The following AOPEP variants were observed in gnomAD, a reference collection of about 807,000 sequenced individuals.
The protein encoded by AOPEP is aminopeptidase O.
A neutral mutation model predicts 98.1 loss-of-function variants in AOPEP; 77 were observed. The ratio of observed to expected loss-of-function variants is 0.78; its 90% CI spans 0.65 to 0.95. AOPEP has a LOEUF of 0.95. AOPEP is among the 40% of genes least tolerant of loss of function. The pLI is 0.00. For synonymous variants in AOPEP, 346 were observed against 365.3 expected (o/e 0.95, Z 0.60); for missense variants, 1,024 against 1,024.7 (o/e 1.00, Z 0.01).
In AOPEP at chr9:95,082,607, G is replaced by A. The variant is rs1451510193; in HGVS notation, c.2352G>A (p.Met784Ile). The change falls in exon 16 of 17, where the codon ATG becomes ATA. Residue 784 changes from methionine (M) to isoleucine (I), a missense_variant. Transcript: ENST00000375315. ...GTGTGTACCTCTACGGGGAGCTGAT[G>A]GTGAGTGAGGACGCCAGACAGCAGC... ...AMGVYLYGEL[M>I]VSEDARQQQL... 1.9e-6 allele frequency: 3 copies of A among 1,614,114 alleles called. No homozygotes were observed. The highest frequency in any genetic ancestry group is 1.1e-5 in the South Asian group (1 of 91,090).
At chr9:95,060,419 A>T (rs1215599540) in intron 13 of AOPEP, among the ~76,000 whole-genome samples, 1 of 152,238 alleles carries the variant, frequency 6.6e-6, no homozygotes, top group African/African-American at 2.4e-5. Context: ...TTTTATTAAG[A>T]TAAGCACAGT....
At chr9:94,947,677 T>C (rs924944709) in intron 7 of AOPEP, among the ~76,000 whole-genome samples, 16 of 152,370 alleles carry the variant, frequency 1.1e-4, no homozygotes, top group African/African-American at 3.8e-4. Context: ...AAGCATTCTA[T>C]ATACATTATC....
chr9:95,035,147 G>T (rs1018147476), intron 13 of AOPEP, among the ~76,000 whole-genome samples: 1 of 151,114 alleles, frequency 6.6e-6, no homozygotes, highest in East Asian at 2.0e-4. Context: ...AGGCCCCCGT[G>T]TGTGATGTTC....
the AOPEP span, among the ~76,000 whole-genome samples, chr9:95,126,266 A>C: frequency 6.6e-6 from 1 of 152,190 alleles, no homozygotes; most frequent in South Asian, 2.1e-4. Context: ...TTAATGCCTA[A>C]CTCAATTCTG....
chr9:95,103,451 CCAG>C, the AOPEP span, among the ~76,000 whole-genome samples: 3 of 152,180 alleles, frequency 2.0e-5, no homozygotes, highest in Non-Finnish European at 4.4e-5. Flanking sequence ...TTGCTGTGGC[CCAG>C]CAGCAGGAGG....
chr9:95,101,774 C>A, the AOPEP span: 18 of 1,614,174 alleles, frequency 1.1e-5, no homozygotes, highest in South Asian at 9.9e-5. Context: ...GCTTTCAATG[C>A]CAAGACGATT....
At chr9:94,766,276 C>T (rs1292557937) in intron 2 of AOPEP, among the ~76,000 whole-genome samples, 2 of 152,214 alleles carry the variant, frequency 1.3e-5, no homozygotes, top group African/African-American at 4.8e-5. Flanking sequence ...CAGCGGCTCA[C>T]GCGTGTAATC....
At chr9:94,774,406 T>C (rs910748089) in intron 3 of AOPEP, among the ~76,000 whole-genome samples, 3 of 151,502 alleles carry the variant, frequency 2.0e-5, no homozygotes, top group African/African-American at 7.3e-5. Flanking sequence ...TTAAAAAAAT[T>C]ATAGAGAAAA....
At chr9:95,136,760 AG>A in the AOPEP span, among the ~76,000 whole-genome samples, 8 of 152,322 alleles carry the variant, frequency 5.3e-5, no homozygotes, top group Non-Finnish European at 1.2e-4. Context: ...TTGGGAATAC[AG>A]GCCTGAGCCC....
rs537156359 is a variant in AOPEP, at chr9:94,980,170, T to C, written c.1977+743T>C. ...CTGGCCCTGTGCCTCCCAGAGACCA[T>C]TGGACAGCCCAGGCCCCTTCGCCAA... On this transcript the variant is annotated intron_variant, in intron 11 of 16. Coordinates refer to ENST00000375315, the MANE Select transcript of AOPEP (RefSeq NM_001193329.3). The surrounding 1 kb of genome is among the most constrained non-coding windows in gnomAD (Gnocchi z 4.3). Among the ~76,000 whole-genome samples, 45 of 152,318 alleles carry C rather than the reference T, an allele frequency of 3.0e-4. No homozygotes were observed. The highest frequency in any genetic ancestry group is 9.1e-4 in the African/African-American group (38 of 41,574).
intron 5 of AOPEP, among the ~76,000 whole-genome samples, chr9:94,846,444 G>T (rs573590844): frequency 3.3e-5 from 5 of 152,110 alleles, no homozygotes; most frequent in Middle Eastern, 3.2e-3. Flanking sequence ...GAGAAGGTGG[G>T]GCAAGAAAGT....
At chr9:94,886,771 C>T (rs2048291189) in intron 5 of AOPEP, among the ~76,000 whole-genome samples, 2 of 151,976 alleles carry the variant, frequency 1.3e-5, no homozygotes, top group South Asian at 4.1e-4. Flanking sequence ...CTAAAAATCC[C>T]AATAGTTGCA....
At chr9:94,799,861 CA>C (rs34659070) in intron 4 of AOPEP, among the ~76,000 whole-genome samples, 18,415 of 119,744 alleles carry the variant, frequency 0.15, 1,255 homozygotes, top group African/African-American at 0.22. Context: ...GATTCCATCT[CA>C]AAAAAAAAAA....
the AOPEP span, among the ~76,000 whole-genome samples, chr9:95,095,974 A>G: frequency 2.0e-5 from 3 of 152,174 alleles, no homozygotes; most frequent in African/African-American, 4.8e-5. Context: ...GGAAGCTTCA[A>G]TTTTATAAGC....
intron 11 of AOPEP, among the ~76,000 whole-genome samples, chr9:94,993,683 C>T (rs894561218): frequency 5.3e-5 from 8 of 152,108 alleles, no homozygotes; most frequent in African/African-American, 9.7e-5. Context: ...CACTGAGAGA[C>T]GTAGATCAGA....
intron 5 of AOPEP, among the ~76,000 whole-genome samples, chr9:94,905,981 T>A (rs1162239777): frequency 6.6e-6 from 1 of 152,042 alleles, no homozygotes; most frequent in Non-Finnish European, 1.5e-5. Context: ...GTATCTACTG[T>A]GAAAATTTGT....
intron 5 of AOPEP, among the ~76,000 whole-genome samples, chr9:94,826,939 C>A (rs1017001047): frequency 3.9e-5 from 6 of 152,188 alleles, no homozygotes; most frequent in Admixed American, 6.5e-5. Flanking sequence ...CAGAAAGCAG[C>A]AGCTTAGGGA....
chr9:95,058,684 T>A (rs941949910), intron 13 of AOPEP, among the ~76,000 whole-genome samples: 2 of 152,168 alleles, frequency 1.3e-5, no homozygotes, highest in African/African-American at 4.8e-5. Flanking sequence ...GTGGAGCTGC[T>A]GTTTGACAGC....
intron 7 of AOPEP, among the ~76,000 whole-genome samples, chr9:94,938,168 C>T (rs529675158): frequency 8.9e-4 from 135 of 152,318 alleles, no homozygotes; most frequent in African/African-American, 2.9e-3. Flanking sequence ...CGACCGCGCC[C>T]GGCCAAAAAC....
Sources: gnomAD v4.1 joint callset for allele counts (sites outside exome capture counted in the v4.1 genomes callset) on GRCh38, gnomAD v4.1.1 for gene constraint, Gnocchi (gnomAD v3.1) non-coding constraint, MANE v1.5 for transcripts, NCBI Gene and HGNC (gene_info 2026-07-23, HGNC 2026-07-21) for gene names.